The following MYT1L variants were observed in gnomAD, a reference collection of about 807,000 sequenced individuals.
MYT1L encodes myelin transcription factor 1 like.
In MYT1L, 12 loss-of-function variants were observed where a neutral mutation model predicts 126.7. The ratio of observed to expected loss-of-function variants is 0.09; its 90% CI spans 0.06 to 0.15. The LOEUF is 0.15. MYT1L is among the 10% of genes least tolerant of loss of function. The pLI, the probability that MYT1L is intolerant of heterozygous loss-of-function variation, is 1.00. For missense variants in MYT1L, 979 were observed against 1,585.2 expected (o/e 0.62, Z 6.49); for synonymous variants, 541 against 604.2 (o/e 0.90, Z 1.53).
At position 1,805,613 on chromosome 2, in the gene MYT1L, T is replaced by C. The variant is rs189963872; in HGVS notation, c.3172+3463A>G. 6.8e-3 allele frequency among the ~76,000 whole-genome samples: 1,037 copies of C among 152,120 alleles called. 6 individuals carry two copies. Among genetic ancestry groups the C allele is most frequent in the Non-Finnish European group, 0.011 (742 of 68,000 alleles). ...ATAGTAAAATATTTAAGGCCAGGCATAGTGGCTTACACCTGTAATCCCAGC... is the reference window on the plus strand; with the variant it reads ...ATAGTAAAATATTTAAGGCCAGGCACAGTGGCTTACACCTGTAATCCCAGC... On this transcript the variant is annotated intron_variant, in intron 22 of 24. Transcript: ENST00000647738.
intron 18 of MYT1L, among the ~76,000 whole-genome samples, chr2:1,859,008 G>A (rs764900190): frequency 9.2e-5 from 14 of 152,192 alleles, no homozygotes; most frequent in Non-Finnish European, 1.9e-4. Context: ...TACTGCAAGA[G>A]TGCTGCACAC....
chr2:2,219,919 T>C (rs1430842018), intron 2 of MYT1L, among the ~76,000 whole-genome samples: 1 of 152,108 alleles, frequency 6.6e-6, no homozygotes, highest in African/African-American at 2.4e-5. Context: ...TATTTCTTTA[T>C]GTCACGAAGG....
At chr2:2,011,159 C>T (rs985598756) in intron 4 of MYT1L, among the ~76,000 whole-genome samples, 7 of 152,136 alleles carry the variant, frequency 4.6e-5, no homozygotes, top group African/African-American at 1.7e-4. Flanking sequence ...GATGCCAAGG[C>T]GGGTGGATCA....
chr2:2,093,662 T>C (rs2077135830), intron 3 of MYT1L, among the ~76,000 whole-genome samples: 1 of 152,208 alleles, frequency 6.6e-6, no homozygotes, highest in African/African-American at 2.4e-5. Context: ...CTGATGGTAG[T>C]TTCTTTTGCT....
chr2:1,834,780 A>G (rs2040611362), intron 21 of MYT1L, among the ~76,000 whole-genome samples: 1 of 151,814 alleles, frequency 6.6e-6, no homozygotes, highest in African/African-American at 2.4e-5. Context: ...ACTCCTCCAC[A>G]TACCACGGGG....
chr2:1,950,717 G>A (rs922498156), intron 8 of MYT1L, among the ~76,000 whole-genome samples: 2 of 152,204 alleles, frequency 1.3e-5, no homozygotes, highest in South Asian at 4.1e-4. Context: ...GAGGCTGGAG[G>A]TGTGAGGGTG....
rs1033279038 is a variant in MYT1L at position 1,791,008 on chromosome 2, T to C, written c.*859A>G. 6.8e-6 allele frequency: 2 copies of C among 295,028 alleles called. No homozygotes were observed. Among genetic ancestry groups the C allele is most frequent in the Non-Finnish European group, 6.8e-6 (1 of 147,118 alleles). 18.3% of individuals were successfully genotyped at this position (295,028 alleles called of 1,614,324 possible). Reference sequence around the variant, plus strand: ...AGGTTGTTCCAAAGTTTATTGAAAATGGAAAAGGAAATCTTCACGTTGTCC... The same window carrying C: ...AGGTTGTTCCAAAGTTTATTGAAAACGGAAAAGGAAATCTTCACGTTGTCC... On this transcript the variant is annotated 3_prime_UTR_variant, in exon 25 of 25. Coordinates refer to ENST00000647738, the MANE Select transcript of MYT1L (RefSeq NM_001303052.2). The surrounding 1 kb of genome is among the most constrained non-coding windows in gnomAD (Gnocchi z 6.0).
chr2:1,986,397 C>T (rs1475921855), intron 5 of MYT1L, among the ~76,000 whole-genome samples: 1 of 152,120 alleles, frequency 6.6e-6, no homozygotes, highest in African/African-American at 2.4e-5. Context: ...CAAAAAAAGC[C>T]TCAGGGTATT....
chr2:2,008,571 T>A (rs2063538368), intron 4 of MYT1L, among the ~76,000 whole-genome samples: 1 of 152,246 alleles, frequency 6.6e-6, no homozygotes. Flanking sequence ...TATTTATACA[T>A]TTTGGATATT....
chr2:1,832,477 T>C (rs1277690761), intron 21 of MYT1L, among the ~76,000 whole-genome samples: 1 of 152,228 alleles, frequency 6.6e-6, no homozygotes, highest in East Asian at 1.9e-4. Flanking sequence ...GTGCAGCTGC[T>C]GGGGCTGGGG....
chr2:1,950,249 A>G (rs1179166210), intron 8 of MYT1L, among the ~76,000 whole-genome samples: 1 of 152,112 alleles, frequency 6.6e-6, no homozygotes, highest in African/African-American at 2.4e-5. Flanking sequence ...TATTAATCCA[A>G]CCCTGTTTCT....
intron 18 of MYT1L, among the ~76,000 whole-genome samples, chr2:1,879,089 C>T (rs1041335725): frequency 2.6e-5 from 4 of 152,176 alleles, no homozygotes; most frequent in African/African-American, 7.2e-5. Flanking sequence ...AAATTGCAGA[C>T]GTGGCTGTGA....
At chr2:2,196,256 A>T (rs528280055) in intron 2 of MYT1L, among the ~76,000 whole-genome samples, 3 of 152,064 alleles carry the variant, frequency 2.0e-5, no homozygotes, top group African/African-American at 7.2e-5. Flanking sequence ...TGTGGGTGAA[A>T]AAAAAATCCT....
intron 3 of MYT1L, among the ~76,000 whole-genome samples, chr2:2,058,346 T>A (rs2069899525): frequency 6.6e-6 from 1 of 152,256 alleles, no homozygotes; most frequent in South Asian, 2.1e-4. Flanking sequence ...ATTTGATTTC[T>A]AAGTATTTTT....
chr2:2,028,835 G>GA (rs1358206753), intron 4 of MYT1L, among the ~76,000 whole-genome samples: 5 of 152,028 alleles, frequency 3.3e-5, no homozygotes, highest in Non-Finnish European at 7.4e-5. Flanking sequence ...AGACGCAAAG[G>GA]AAAAAACATT....
intron 1 of MYT1L, among the ~76,000 whole-genome samples, chr2:2,320,011 G>C (rs1006774403): frequency 5.9e-5 from 9 of 152,144 alleles, no homozygotes; most frequent in African/African-American, 2.2e-4. Flanking sequence ...ACAGTGAGGA[G>C]AGCCCCTGCC....
At chr2:2,204,074 G>A (rs9677822) in intron 2 of MYT1L, among the ~76,000 whole-genome samples, 1 of 152,054 alleles carries the variant, frequency 6.6e-6, no homozygotes, top group Non-Finnish European at 1.5e-5. Context: ...AAAGCTGAAA[G>A]TGGATCGCTT....
chr2:2,329,187 C>A (rs186746127), intron 1 of MYT1L, among the ~76,000 whole-genome samples: 244 of 152,020 alleles, frequency 1.6e-3, no homozygotes, highest in African/African-American at 5.4e-3. Context: ...AGAACAATGG[C>A]AGCCAACTCT....
chr2:1,827,834 A>G (rs10199667), intron 21 of MYT1L: 22,505 of 151,884 alleles, frequency 0.15, 3,870 homozygotes, highest in African/African-American at 0.42. Flanking sequence ...GCGCCCCCCT[A>G]GAGAGGACAG....
Sources: allele counts gnomAD v4.1 joint callset (sites outside exome capture counted in the v4.1 genomes callset), GRCh38; gene constraint gnomAD v4.1.1; non-coding constraint Gnocchi (gnomAD v3.1); transcripts MANE v1.5; gene names NCBI Gene and HGNC (gene_info 2026-07-23, HGNC 2026-07-21).